METRNL: variants seen among roughly 807,000 people sequenced by gnomAD.
METRNL encodes the protein meteorin like, glial cell differentiation regulator, also known as meteorin-like protein.
METRNL carries 9 observed loss-of-function variants against 17.4 expected under a neutral mutation model. The observed-to-expected ratio is 0.52, with a 90% CI of 0.31 to 0.90. The LOEUF is 0.90. Among genes scored for constraint, METRNL ranks in the 40% least tolerant of loss-of-function variants. The pLI is 0.05. For synonymous variants in METRNL, 215 were observed against 199.3 expected (o/e 1.08, Z -0.66); for missense variants, 408 against 430.7 (o/e 0.95, Z 0.47).
At chr17:83,091,261 G>A (rs1458617256) in intron 2 of METRNL, among the ~76,000 whole-genome samples, 2 of 140,382 alleles carry the variant, frequency 1.4e-5, no homozygotes, top group African/African-American at 4.9e-5. Flanking sequence ...CGCTCAGCAG[G>A]CTGTGCAGTT....
chr17:83,082,359 G>A (rs1295405569), intron 1 of METRNL: 9 of 556,644 alleles, frequency 1.6e-5, no homozygotes, highest in Admixed American at 1.3e-4. Flanking sequence ...CAACCCTCCA[G>A]TGCACCTGCG....
At chr17:83,090,001 C>T (rs919606737) in intron 2 of METRNL, among the ~76,000 whole-genome samples, 28 of 152,140 alleles carry the variant, frequency 1.8e-4, no homozygotes, top group African/African-American at 4.1e-4. Flanking sequence ...CCCCCTCGGC[C>T]GTCCGCTGAG....
At chr17:83,092,778 C>T (rs562571792) in intron 2 of METRNL, among the ~76,000 whole-genome samples, 1 of 152,282 alleles carries the variant, frequency 6.6e-6, no homozygotes, top group African/African-American at 2.4e-5. Context: ...GTGAGTCCGG[C>T]TCAGCCGCAC....
At chr17:83,082,887 A>G (rs1361907845) in intron 1 of METRNL, among the ~76,000 whole-genome samples, 2 of 152,176 alleles carry the variant, frequency 1.3e-5, no homozygotes, top group Non-Finnish European at 2.9e-5. Flanking sequence ...TTAATGTGAA[A>G]ATCCCTACGT....
intron 1 of METRNL, chr17:83,081,966 G>T (rs1306270906): frequency 2.2e-6 from 1 of 450,516 alleles, no homozygotes; most frequent in African/African-American, 2.1e-5. Context: ...TGGAGCGAGC[G>T]CTGGTGTGCT....
At chr17:83,093,078 C>A (rs916655066) in intron 2 of METRNL, 89 bp from the exon 3 acceptor site, 19 of 1,113,854 alleles carry the variant, frequency 1.7e-5, no homozygotes, top group Admixed American at 4.0e-5. Context: ...CTTGGCTTTG[C>A]TGAGTGTGAG....
rs182118556 is a variant in METRNL at position 83,093,195 on chromosome 17, G to T, written c.585G>T (p.Glu195Asp). 3.0e-5 allele frequency: 48 copies of T among 1,608,352 alleles called. No individual in the cohort carries two copies. In the East Asian group the frequency reaches 1.0e-3, roughly 34 times the overall value. Reference protein sequence around the residue: ...SAPCRPCSDTEVLLAVCTSDF... With the variant: ...SAPCRPCSDTDVLLAVCTSDF... ...CGTGCCGTCCCTGCAGTGACACCGA[G>T]GTGCTCCTAGCCGTCTGCACCAGCG... Residue 195 changes from glutamate to aspartate, a missense_variant, in exon 3 of 4, where the codon GAG becomes GAT. By Grantham distance (45) the Glu-to-Asp change is conservative (BLOSUM62 2). Coordinates refer to ENST00000320095, the MANE Select transcript of METRNL (RefSeq NM_001004431.3).
chr17:83,081,654 GAGGGGACCCCCCCACACACACACAC>G (rs552311766), intron 1 of METRNL, among the ~76,000 whole-genome samples: 205 of 151,260 alleles, frequency 1.4e-3, no homozygotes, highest in African/African-American at 4.5e-3. Flanking sequence ...AGACTCCCCA[GAGGGGACCCCCCCACACACACACAC>G]AGGGGACCCC....
intron 2 of METRNL, among the ~76,000 whole-genome samples, chr17:83,085,947 T>G (rs1377535339): frequency 6.6e-6 from 1 of 152,176 alleles, no homozygotes; most frequent in Non-Finnish European, 1.5e-5. Flanking sequence ...GCCACCCCCG[T>G]CCCAGAGGGG....
At chr17:83,080,601 CT>C (rs563834169) in intron 1 of METRNL, among the ~76,000 whole-genome samples, 7,498 of 52,116 alleles carry the variant, frequency 0.14, 409 homozygotes, top group Non-Finnish European at 0.2. Flanking sequence ...CGGCCGAGGA[CT>C]TTTTTTTTTT....
chr17:83,080,015 GC>G (rs1269373396), intron 1 of METRNL, 30 bp downstream of exon 1: 2 of 1,008,576 alleles, frequency 2.0e-6, no homozygotes, highest in Non-Finnish European at 2.4e-6. Context: ...CCCCGGCCCG[GC>G]CCCCTCCCCT....
rs551408846 is a variant in METRNL at position 83,090,962 on chromosome 17, T to C, written c.557-2205T>C. On this transcript the variant is annotated intron_variant, in intron 2 of 3. Transcript: ENST00000320095. ...CCGGCGAGTGGGATGGGGGTCCACA[T>C]AGGTGAACTAAGTGTCAAGGGTGGG... Among the ~76,000 whole-genome samples the C allele has an allele frequency of 7.2e-5, 11 of 152,220 alleles. No individual in the cohort carries two copies. The East Asian group carries it at 1.6e-3, about 21-fold the overall frequency.
chr17:83,083,622 G>A (rs1398603896), intron 1 of METRNL, among the ~76,000 whole-genome samples: 1 of 152,202 alleles, frequency 6.6e-6, no homozygotes, highest in African/African-American at 2.4e-5. Flanking sequence ...CTCGTGACCT[G>A]GGGCCTTGTC....
In METRNL at chr17:83,094,839, G is replaced by A; in HGVS notation, c.*264G>A. ...TTTTGGTAAAAAAGAAATGTCCATA[G>A]GAAACAAATTCCCGTGTCTTAAAAC... On this transcript the variant is annotated 3_prime_UTR_variant, in exon 4 of 4. Coordinates refer to ENST00000320095, the MANE Select transcript of METRNL (RefSeq NM_001004431.3). The A allele has an allele frequency of 2.7e-6, 1 of 376,568 alleles. No individual in the cohort carries two copies. 23.3% of individuals were successfully genotyped at this position (376,568 alleles called of 1,614,324 possible). A position where few individuals can be genotyped will look rare whatever the true frequency, so the allele number is the denominator to read the frequency against.
At chr17:83,094,112 C>A in intron 3 of METRNL, 144 bp from the exon 4 acceptor site, 1 of 626,500 alleles carries the variant, frequency 1.6e-6, no homozygotes, top group South Asian at 2.4e-5. Context: ...GTACTTTTCT[C>A]TGGGAATTTC....
intron 1 of METRNL, among the ~76,000 whole-genome samples, chr17:83,083,370 G>A (rs1173336609): frequency 6.6e-6 from 1 of 152,212 alleles, no homozygotes; most frequent in African/African-American, 2.4e-5. Flanking sequence ...GCCTGAGCAC[G>A]GGCAGGAGGA....
chr17:83,085,676 G>A (rs1431163184), intron 2 of METRNL, among the ~76,000 whole-genome samples: 1 of 152,224 alleles, frequency 6.6e-6, no homozygotes, highest in Admixed American at 6.5e-5. Flanking sequence ...GGCCGAGCGG[G>A]GCCTCTCTCC....
chr17:83,088,294 G>A (rs1301764607), intron 2 of METRNL, among the ~76,000 whole-genome samples: 1 of 152,268 alleles, frequency 6.6e-6, no homozygotes, highest in Non-Finnish European at 1.5e-5. Context: ...GTGCCCAGCA[G>A]ACCTGGCTGA....
At chr17:83,092,926 GGGGTCC>G (rs1313111252) in intron 2 of METRNL, among the ~76,000 whole-genome samples, 1 of 152,152 alleles carries the variant, frequency 6.6e-6, no homozygotes, top group African/African-American at 2.4e-5. Context: ...GTGGGGCCGA[GGGGTCC>G]CCTGGGTGAG....
Sources: allele counts gnomAD v4.1 joint callset (sites outside exome capture counted in the v4.1 genomes callset), GRCh38; gene constraint gnomAD v4.1.1; transcripts MANE v1.5; gene names NCBI Gene and HGNC (gene_info 2026-07-23, HGNC 2026-07-21).